ADGRL2: variants seen among roughly 807,000 people sequenced by gnomAD.
ADGRL2 encodes adhesion G protein-coupled receptor L2, also known as calcium-independent alpha-latrotoxin receptor 2.
ADGRL2 carries 44 observed loss-of-function variants against 157.4 expected under a neutral mutation model. That is an observed-to-expected ratio of 0.28 (90% CI 0.22 to 0.36). The LOEUF is 0.36. Among genes scored for constraint, ADGRL2 ranks in the 10% least tolerant of loss-of-function variants. The pLI is 1.00. For synonymous variants in ADGRL2, 585 were observed against 624.7 expected (o/e 0.94, Z 0.95); for missense variants, 1,510 against 1,768.9 (o/e 0.85, Z 2.63).
intron 3 of ADGRL2, among the ~76,000 whole-genome samples, chr1:81,653,608 A>G (rs192449799): frequency 3.9e-5 from 6 of 152,320 alleles, no homozygotes; most frequent in Admixed American, 1.3e-4. Flanking sequence ...GTAATCAAAA[A>G]CATCCATTGG....
intron 1 of ADGRL2, among the ~76,000 whole-genome samples, chr1:81,436,457 G>A (rs554171989): frequency 2.0e-5 from 3 of 151,052 alleles, no homozygotes; most frequent in South Asian, 4.2e-4. Context: ...TTTTTTCCTC[G>A]CTTTTTTGTC....
chr1:81,871,022 G>C (rs1342093287), intron 2 of ADGRL2, among the ~76,000 whole-genome samples: 1 of 150,708 alleles, frequency 6.6e-6, no homozygotes, highest in Non-Finnish European at 1.5e-5. Context: ...TGCCATGTTG[G>C]TGTGCTGCAC....
chr1:81,904,134 A>C (rs541536408), intron 2 of ADGRL2, among the ~76,000 whole-genome samples: 11 of 152,258 alleles, frequency 7.2e-5, no homozygotes, highest in African/African-American at 2.2e-4. Flanking sequence ...CCACATTTAT[A>C]AGAATTATGT....
At chr1:81,643,532 C>A (rs1030100775) in intron 3 of ADGRL2, among the ~76,000 whole-genome samples, 5 of 152,046 alleles carry the variant, frequency 3.3e-5, no homozygotes, top group African/African-American at 7.3e-5. Flanking sequence ...TGGTCTTAAG[C>A]CCCCAGACTC....
intron 2 of ADGRL2, among the ~76,000 whole-genome samples, chr1:81,499,544 C>T (rs967483605): frequency 6.6e-6 from 1 of 152,224 alleles, no homozygotes; most frequent in South Asian, 2.1e-4. Flanking sequence ...GGTGTTGGTT[C>T]TAACAAAGGT....
At chr1:81,735,870 C>T (rs575266769) in intron 1 of ADGRL2, among the ~76,000 whole-genome samples, 2 of 151,672 alleles carry the variant, frequency 1.3e-5, no homozygotes, top group African/African-American at 2.4e-5. Flanking sequence ...GACGGCTGGG[C>T]GCGGTGGCTT....
chr1:81,440,203 C>G (rs939128654), intron 1 of ADGRL2, among the ~76,000 whole-genome samples: 2 of 152,212 alleles, frequency 1.3e-5, no homozygotes, highest in African/African-American at 4.8e-5. Context: ...TTAACACAGT[C>G]TGATGATTTA....
At chr1:81,367,797 C>T (rs2076092945) in intron 1 of ADGRL2, among the ~76,000 whole-genome samples, 2 of 152,172 alleles carry the variant, frequency 1.3e-5, no homozygotes, top group African/African-American at 4.8e-5. Context: ...GGTGATCCGT[C>T]CACCTTGGCC....
intron 2 of ADGRL2, among the ~76,000 whole-genome samples, chr1:81,572,931 T>C (rs1370802607): frequency 6.6e-6 from 1 of 150,918 alleles, no homozygotes; most frequent in African/African-American, 2.4e-5. Flanking sequence ...CGTGAATGTT[T>C]ATGGGAACGT....
intron 2 of ADGRL2, among the ~76,000 whole-genome samples, chr1:81,530,941 A>T (rs1263922435): frequency 1.3e-5 from 2 of 151,074 alleles, no homozygotes; most frequent in Non-Finnish European, 2.9e-5. Flanking sequence ...AAATTTAGCC[A>T]GGCATGGTGG....
At chr1:81,918,586 G>A (rs2094912077) in intron 3 of ADGRL2, among the ~76,000 whole-genome samples, 1 of 152,124 alleles carries the variant, frequency 6.6e-6, no homozygotes, top group Non-Finnish European at 1.5e-5. Flanking sequence ...CAGAATGCCA[G>A]TGTTTGTAAG....
At chr1:81,508,633 A>T (rs1258402110) in intron 2 of ADGRL2, among the ~76,000 whole-genome samples, 1 of 152,230 alleles carries the variant, frequency 6.6e-6, no homozygotes, top group African/African-American at 2.4e-5. Flanking sequence ...GCACTGCATG[A>T]AAGCAAGTGC....
chr1:81,556,794 T>C (rs1466036873), intron 2 of ADGRL2, among the ~76,000 whole-genome samples: 2 of 151,826 alleles, frequency 1.3e-5, no homozygotes, highest in African/African-American at 2.4e-5. Context: ...AGAAGGGATG[T>C]AGGCCAGGCG....
At chr1:81,558,653 A>G (rs1449318958) in intron 2 of ADGRL2, among the ~76,000 whole-genome samples, 1 of 152,130 alleles carries the variant, frequency 6.6e-6, no homozygotes, top group African/African-American at 2.4e-5. Context: ...GAAAAAAAAA[A>G]CCTTGATTCC....
rs1022142384 is a variant in ADGRL2 at position 81,727,154 on chromosome 1, G to A, written c.-143+27346G>A. ...TCAACCAAGTTTCCAAGACAGGCAGGGTTCTTGCCCTCATTGAGCTTCTAA... is the reference window on the plus strand; with the variant it reads ...TCAACCAAGTTTCCAAGACAGGCAGAGTTCTTGCCCTCATTGAGCTTCTAA... On this transcript the variant is annotated intron_variant, in intron 1 of 20. Coordinates refer to the ADGRL2 transcript ENST00000359929. Among the ~76,000 whole-genome samples, 13 of 152,182 alleles carry A rather than the reference G, an allele frequency of 8.5e-5. 1 individual carries two copies. The highest frequency in any genetic ancestry group is 2.4e-4 in the African/African-American group (10 of 41,542).
chr1:81,321,218 GT>G (rs1180749157), intron 1 of ADGRL2, among the ~76,000 whole-genome samples: 1 of 152,138 alleles, frequency 6.6e-6, no homozygotes, highest in African/African-American at 2.4e-5. Flanking sequence ...TATGGATTAG[GT>G]TTTAGTTTAC....
chr1:81,888,677 C>T (rs2094188821), intron 2 of ADGRL2, among the ~76,000 whole-genome samples: 1 of 152,170 alleles, frequency 6.6e-6, no homozygotes, highest in Admixed American at 6.5e-5. Flanking sequence ...TGTTCTCGAT[C>T]TCCTGACCTC....
rs139364611 is a variant in ADGRL2, at chr1:81,952,871, A to G, written c.1795-116A>G. On this transcript the variant is annotated intron_variant, in intron 9 of 23. Transcript: ENST00000686636. ...GTGCAGACTCAGACTCCAGAGGACT[A>G]CTGCATATAAACTTCGAGCTCTGGA... 24 of 748,634 alleles carry G rather than the reference A, an allele frequency of 3.2e-5. No individual in the cohort carries two copies. In the East Asian group the frequency reaches 4.6e-4, roughly 14 times the overall value. The allele number at this position is 748,634 out of a possible 1,614,324, so 46.4% of individuals were successfully genotyped here.
chr1:81,824,074 T>C (rs1429939319), intron 1 of ADGRL2, among the ~76,000 whole-genome samples: 1 of 152,182 alleles, frequency 6.6e-6, no homozygotes, highest in Non-Finnish European at 1.5e-5. Flanking sequence ...GAGCACTTAC[T>C]CTCTTAATTA....
Sources: gnomAD v4.1 joint callset for allele counts (sites outside exome capture counted in the v4.1 genomes callset) on GRCh38, gnomAD v4.1.1 for gene constraint, MANE v1.5 for transcripts, NCBI Gene and HGNC (gene_info 2026-07-23, HGNC 2026-07-21) for gene names.